Variants in PLAC8 observed in about 807,000 individuals in gnomAD.
The protein encoded by PLAC8 is placenta-specific gene 8 protein.
In PLAC8, 6 loss-of-function variants were observed where a neutral mutation model predicts 12.6. The observed-to-expected ratio is 0.48, with a 90% confidence interval of 0.26 to 0.94. The LOEUF (loss-of-function observed/expected upper bound fraction) is 0.94. Ranked by LOEUF, PLAC8 falls within the 40% of genes least tolerant of loss-of-function variation. The probability of loss-of-function intolerance (pLI) is 0.14; values close to 1 mark genes in which losing one functional copy is unlikely to be tolerated. For missense variants in PLAC8, 122 were observed against 152.7 expected (o/e 0.80, Z 1.06); for synonymous variants, 54 against 52.6 (o/e 1.03, Z -0.11).
chr4:83,109,359 A>G (rs958527559), intron 1 of PLAC8, among the ~76,000 whole-genome samples: 1 of 152,218 alleles, frequency 6.6e-6, no homozygotes. Flanking sequence ...ATGTACCATA[A>G]TAGCCGTTCA....
chr4:83,100,316 C>G lies in PLAC8; in HGVS notation c.243+4580G>C, dbSNP rs182436206. 1.6e-3 allele frequency among the ~76,000 whole-genome samples: 241 copies of G among 151,860 alleles called. 1 individual carries two copies. Among genetic ancestry groups the G allele is most frequent in the African/African-American group, 5.7e-3 (236 of 41,344 alleles). ...AAAAAAATGTGTAGCACCTCTGTCTCCCTTCCTCCTGCTCCAGTCATGTGA... is the reference window on the plus strand; with the variant it reads ...AAAAAAATGTGTAGCACCTCTGTCTGCCTTCCTCCTGCTCCAGTCATGTGA... On this transcript the variant is annotated intron_variant, in intron 3 of 4. Coordinates refer to ENST00000311507, the MANE Select transcript of PLAC8 (RefSeq NM_016619.3).
At chr4:83,109,970 C>G (rs1412121149) in intron 1 of PLAC8, 1 of 152,278 alleles carries the variant, frequency 6.6e-6, no homozygotes, top group African/African-American at 2.4e-5. Context: ...CTGCGGATGG[C>G]TGCCCTCGGG....
chr4:83,113,222 A>G (rs375173141), intron 1 of PLAC8, among the ~76,000 whole-genome samples: 31 of 152,316 alleles, frequency 2.0e-4, no homozygotes, highest in African/African-American at 7.5e-4. Context: ...TCTCACAGAC[A>G]CGGCTTGGTG....
intron 4 of PLAC8, among the ~76,000 whole-genome samples, chr4:83,092,451 C>T (rs557992540): frequency 3.8e-4 from 58 of 151,954 alleles, no homozygotes; most frequent in Middle Eastern, 3.4e-3. Flanking sequence ...CCAGGCTGGT[C>T]GCTGGTGCTG....
At position 83,090,240 on chromosome 4, in the gene PLAC8, C is replaced by T. The variant is rs530207590; in HGVS notation, c.*741G>A. The T allele has an allele frequency of 7.9e-5, 12 of 151,560 alleles. No homozygotes were observed. Among genetic ancestry groups the T allele is most frequent in the African/African-American group, 2.9e-4 (12 of 41,322 alleles). The allele number at this position is 151,560 out of a possible 1,614,324, so 9.4% of individuals were successfully genotyped here. On this transcript the variant is annotated 3_prime_UTR_variant, in exon 5 of 5. Transcript: ENST00000311507. ...AGCCTGGGCAACATAGAAAGACCCC[C>T]AACTCTAGGCTGGACGCGGTGGCTC... is the stretch of plus-strand genomic sequence containing the variant.
At chr4:83,100,229 C>T (rs1202596462) in intron 3 of PLAC8, among the ~76,000 whole-genome samples, 7 of 146,258 alleles carry the variant, frequency 4.8e-5, no homozygotes, top group Non-Finnish European at 7.4e-5. Flanking sequence ...TGCAGTGAGC[C>T]AAGATCGTGC....
At chr4:83,111,728 C>G (rs1280595146) in intron 1 of PLAC8, among the ~76,000 whole-genome samples, 1 of 152,124 alleles carries the variant, frequency 6.6e-6, no homozygotes, top group Non-Finnish European at 1.5e-5. Flanking sequence ...TAAAAACCAC[C>G]CTGCAATTAT....
intron 2 of PLAC8, among the ~76,000 whole-genome samples, chr4:83,107,206 C>CAAAAAAAAAAA (rs70946971): frequency 4.0e-5 from 4 of 100,078 alleles, no homozygotes; most frequent in African/African-American, 1.2e-4. Flanking sequence ...GTCTCAAAAA[C>CAAAAAAAAAAA]AAACAAAAAA....
At chr4:83,102,508 C>T (rs1403817635) in intron 3 of PLAC8, among the ~76,000 whole-genome samples, 2 of 152,130 alleles carry the variant, frequency 1.3e-5, no homozygotes, top group Non-Finnish European at 2.9e-5. Context: ...CACTGCACTC[C>T]AGCCTGGGTG....
At chr4:83,100,206 A>G (rs188501459) in intron 3 of PLAC8, among the ~76,000 whole-genome samples, 6,778 of 140,560 alleles carry the variant, frequency 0.048, 436 homozygotes, top group African/African-American at 0.15. Context: ...GCGTGAACCC[A>G]GGAGGTGGAG....
At chr4:83,109,581 A>G (rs933396614) in intron 1 of PLAC8, 2 of 152,218 alleles carry the variant, frequency 1.3e-5, no homozygotes, top group Non-Finnish European at 2.9e-5. Flanking sequence ...GACTAGGCGA[A>G]CGTGTGTCTG....
chr4:83,106,029 T>C (rs1732229922), intron 2 of PLAC8, among the ~76,000 whole-genome samples: 1 of 152,036 alleles, frequency 6.6e-6, no homozygotes. Flanking sequence ...TTTATTTATT[T>C]ATTTTTGAGA....
chr4:83,112,203 T>G, intron 1 of PLAC8, among the ~76,000 whole-genome samples: 1 of 21,206 alleles, frequency 4.7e-5, no homozygotes, highest in East Asian at 4.9e-3. Context: ...TATATATATA[T>G]GTATATATAT....
intron 4 of PLAC8, among the ~76,000 whole-genome samples, chr4:83,091,602 A>G (rs1731808597): frequency 6.6e-6 from 1 of 152,230 alleles, no homozygotes; most frequent in Non-Finnish European, 1.5e-5. Flanking sequence ...TACTCCATAC[A>G]GTATAGAGAG....
intron 3 of PLAC8, among the ~76,000 whole-genome samples, chr4:83,101,271 T>C (rs1480671896): frequency 1.3e-5 from 2 of 152,150 alleles, no homozygotes; most frequent in Non-Finnish European, 2.9e-5. Flanking sequence ...TCCCAGCTAC[T>C]GGCGAGGCTG....
intron 1 of PLAC8, among the ~76,000 whole-genome samples, chr4:83,112,140 T>G (rs1732435229): frequency 6.7e-6 from 1 of 149,180 alleles, no homozygotes; most frequent in African/African-American, 2.5e-5. Context: ...TGCCATTGCA[T>G]TCCAGCCTGG....
At chr4:83,097,007 C>T (rs923653368) in intron 3 of PLAC8, among the ~76,000 whole-genome samples, 1 of 152,196 alleles carries the variant, frequency 6.6e-6, no homozygotes, top group Non-Finnish European at 1.5e-5. Flanking sequence ...GTATTTCCCT[C>T]CTTTTGGGGA....
chr4:83,095,026 T>C (rs1731892737), intron 3 of PLAC8, among the ~76,000 whole-genome samples: 1 of 152,200 alleles, frequency 6.6e-6, no homozygotes, highest in South Asian at 2.1e-4. Flanking sequence ...AACCAAACTA[T>C]CAAGTATGAG....
At chr4:83,112,204 GTATATATATATATGTATATATATA>G (rs1560458367) in intron 1 of PLAC8, among the ~76,000 whole-genome samples, 1 of 128,688 alleles carries the variant, frequency 7.8e-6, no homozygotes, top group African/African-American at 3.8e-5. Context: ...ATATATATAT[GTATATATATATATGTATATATATA>G]TATATATATG....
Sources: allele counts gnomAD v4.1 joint callset (sites outside exome capture counted in the v4.1 genomes callset), GRCh38; gene constraint gnomAD v4.1.1; transcripts MANE v1.5; gene names NCBI Gene and HGNC (gene_info 2026-07-23, HGNC 2026-07-21).